The following NUP98 variants were observed in gnomAD, a reference collection of about 807,000 sequenced individuals.
The protein encoded by NUP98 is nuclear pore complex protein Nup98-Nup96.
Under a neutral mutation model 191.9 loss-of-function variants are expected in NUP98, and 26 were observed. The observed-to-expected ratio is 0.14, with a 90% CI of 0.10 to 0.19. NUP98 has a LOEUF of 0.19. Ranked by LOEUF, NUP98 falls within the 10% of genes least tolerant of loss-of-function variation. The pLI is 1.00. For missense variants in NUP98, 1,941 were observed against 2,178.8 expected (o/e 0.89, Z 2.17); for synonymous variants, 808 against 778.4 (o/e 1.04, Z -0.63).
In NUP98 at chr11:3,679,655, C is replaced by A; in HGVS notation, c.4972G>T (p.Ala1658Ser). 6.2e-7 allele frequency: 1 copy of A among 1,614,096 alleles called. No homozygotes were observed. Among genetic ancestry groups the A allele is most frequent in the Non-Finnish European group, 8.5e-7 (1 of 1,179,986 alleles). ...ATTAGGCTGCTGCGCTCTGGAGGTG[C>A]CAGGTCTTCCAAGAACCCCTTCAGG... is the stretch of plus-strand genomic sequence containing the variant. ...DYLKGFLEDL[A>S]PPERSSLIQD... Residue 1658 changes from alanine (A) to serine (S), a missense_variant, in exon 31 of 33, where the codon GCA (alanine) becomes TCA (serine). By Grantham distance (99) the Ala-to-Ser change is moderately conservative. Around this residue, in one of 6 missense-constraint regions of NUP98, gnomAD observed 1,030 missense variants for 1,115.8 expected, o/e 0.92. Coordinates refer to ENST00000324932, the MANE Select transcript of NUP98 (RefSeq NM_016320.5).
At chr11:3,736,225 C>A (rs1038740246) in intron 12 of NUP98, among the ~76,000 whole-genome samples, 1 of 152,100 alleles carries the variant, frequency 6.6e-6, no homozygotes, top group Admixed American at 6.6e-5. Flanking sequence ...AGCCACCATG[C>A]CTGGCCTCTA....
At chr11:3,744,352 A>G (rs1298807744) in intron 12 of NUP98, among the ~76,000 whole-genome samples, 157 bp downstream of exon 12, 1 of 152,240 alleles carries the variant, frequency 6.6e-6, no homozygotes, top group Non-Finnish European at 1.5e-5. Flanking sequence ...AGAGTAGGCC[A>G]GGATCTATTA....
intron 1 of NUP98, 96 bp from the exon 2 acceptor site, chr11:3,782,241 G>A (rs899425702): frequency 2.0e-5 from 13 of 641,376 alleles, no homozygotes; most frequent in African/African-American, 5.5e-5. Context: ...AGGCCTATTC[G>A]AACTATAGTA....
At chr11:3,718,500 C>T (rs546771635) in intron 18 of NUP98, among the ~76,000 whole-genome samples, 86 of 152,006 alleles carry the variant, frequency 5.7e-4, no homozygotes, top group African/African-American at 1.9e-3. Context: ...TATACCACTG[C>T]ACTCCAGCTT....
rs190578532 is a variant in NUP98 at position 3,737,645 on chromosome 11, A to G, written c.1409-2321T>C. ...CCGTCTCAAAAACAAACAAACAAAC[A>G]AAAACAGAACAGGCTGCTATAGCTA... On this transcript the variant is annotated intron_variant, in intron 12 of 32. Coordinates refer to ENST00000324932, the MANE Select transcript of NUP98 (RefSeq NM_016320.5). Among the ~76,000 whole-genome samples, 99 of 152,284 alleles carry G rather than the reference A, an allele frequency of 6.5e-4. 1 individual carries two copies. The highest frequency in any genetic ancestry group is 1.6e-4 in the Non-Finnish European group (11 of 68,016).
chr11:3,688,217 ACATGGTGAAAC>A (rs1304190030), intron 28 of NUP98, among the ~76,000 whole-genome samples: 8 of 151,904 alleles, frequency 5.3e-5, no homozygotes, highest in South Asian at 2.1e-4. Flanking sequence ...ATCCTGGCTA[ACATGGTGAAAC>A]CATGGTGAAA....
At chr11:3,734,194 C>T (rs559575287) in intron 13 of NUP98, among the ~76,000 whole-genome samples, 1 of 152,212 alleles carries the variant, frequency 6.6e-6, no homozygotes, top group South Asian at 2.1e-4. Context: ...CACCACCATG[C>T]CCAGCTAATT....
intron 30 of NUP98, among the ~76,000 whole-genome samples, chr11:3,680,895 C>CT (rs1394680893): frequency 1.3e-5 from 2 of 152,148 alleles, no homozygotes; most frequent in Admixed American, 6.5e-5. Flanking sequence ...GGATCTCCCT[C>CT]TGTCACCCAG....
intron 25 of NUP98, 145 bp downstream of exon 25, chr11:3,698,937 G>T: frequency 1.2e-6 from 1 of 860,636 alleles, no homozygotes; most frequent in East Asian, 2.4e-5. Context: ...CATATTCCAC[G>T]GGAACCAGCA....
At chr11:3,695,677 T>C in intron 25 of NUP98, 71 bp from the exon 26 acceptor site, 1 of 1,079,558 alleles carries the variant, frequency 9.3e-7, no homozygotes. Flanking sequence ...TTGGGGGCAT[T>C]ATCTTCATTT....
intron 17 of NUP98, among the ~76,000 whole-genome samples, chr11:3,720,108 C>A (rs2134209867): frequency 6.6e-6 from 1 of 152,228 alleles, no homozygotes; most frequent in Non-Finnish European, 1.5e-5. Context: ...AAACAACCTT[C>A]TTAAATCTCT....
At chr11:3,682,515 CAA>C (rs2078013327) in intron 30 of NUP98, among the ~76,000 whole-genome samples, 1 of 152,042 alleles carries the variant, frequency 6.6e-6, no homozygotes, top group Non-Finnish European at 1.5e-5. Flanking sequence ...TAGGAAGGCC[CAA>C]AGAGAGGGAA....
At chr11:3,773,368 C>A (rs1299834505) in intron 6 of NUP98, among the ~76,000 whole-genome samples, 2 of 150,664 alleles carry the variant, frequency 1.3e-5, no homozygotes, top group African/African-American at 2.4e-5. Flanking sequence ...GCATTCCAGC[C>A]TGGGCAAAAA....
intron 1 of NUP98, among the ~76,000 whole-genome samples, chr11:3,796,813 C>A (rs138457943): frequency 6.6e-6 from 1 of 152,188 alleles, no homozygotes; most frequent in African/African-American, 2.4e-5. Flanking sequence ...GTCCTTATGG[C>A]TATAGTAATC....
At chr11:3,723,552 G>C (rs2079490673) in intron 15 of NUP98, 97 bp from the exon 16 acceptor site, 1 of 900,550 alleles carries the variant, frequency 1.1e-6, no homozygotes, top group South Asian at 1.7e-5. Flanking sequence ...GCCTGGCACT[G>C]TTCTGGATAG....
intron 26 of NUP98, among the ~76,000 whole-genome samples, chr11:3,695,110 C>A (rs986303666): frequency 1.3e-5 from 2 of 152,260 alleles, no homozygotes; most frequent in East Asian, 3.9e-4. Context: ...ATGCAGTGAG[C>A]CAAGATCACC....
intron 12 of NUP98, among the ~76,000 whole-genome samples, chr11:3,741,824 A>G (rs1181948906): frequency 6.6e-6 from 1 of 152,238 alleles, no homozygotes; most frequent in Non-Finnish European, 1.5e-5. Context: ...GACCATCAGT[A>G]ATGGTTACTG....
chr11:3,795,153 G>A (rs1399272572), intron 1 of NUP98, among the ~76,000 whole-genome samples: 1 of 152,086 alleles, frequency 6.6e-6, no homozygotes, highest in Non-Finnish European at 1.5e-5. Context: ...CATAAAGTCA[G>A]GTACTGGCTG....
chr11:3,720,832 C>CAAAAAAAAAAAAAAAAAAAAA lies in NUP98; in HGVS notation c.2147-8_2147-7insTTTTTTTTTTTTTTTTTTTTT. 2 of 374,284 alleles carry CAAAAAAAAAAAAAAAAAAAAA rather than the reference C, an allele frequency of 5.3e-6. No homozygotes were observed. The highest frequency in any genetic ancestry group is 4.5e-5 in the South Asian group (1 of 22,122). The allele number at this position is 374,284 out of a possible 1,614,324, so 23.2% of individuals were successfully genotyped here. A position where few individuals can be genotyped will look rare whatever the true frequency, so the allele number is the denominator to read the frequency against. Reference sequence around the variant, plus strand: ...ACCTTAGTGAGAATAATACCTGTGACAAAAAAAAAAAAAAAAACAGAAAAA... The same window carrying CAAAAAAAAAAAAAAAAAAAAA: ...ACCTTAGTGAGAATAATACCTGTGACAAAAAAAAAAAAAAAAAAAAAAAAAAAAAAAAAAAAAACAGAAAAA... On this transcript the variant is annotated splice_polypyrimidine_tract_variant and splice_region_variant and intron_variant, in intron 16 of 32. Coordinates refer to ENST00000324932, the MANE Select transcript of NUP98 (RefSeq NM_016320.5).
Sources: gnomAD v4.1 joint callset for allele counts (sites outside exome capture counted in the v4.1 genomes callset) on GRCh38, gnomAD v4.1.1 for gene constraint, gnomAD v4.1.1 regional missense constraint, MANE v1.5 for transcripts, NCBI Gene and HGNC (gene_info 2026-07-23, HGNC 2026-07-21) for gene names.